LRP2: variants seen among roughly 807,000 people sequenced by gnomAD.
The protein encoded by LRP2 is LDL receptor related protein 2, also known as low-density lipoprotein receptor-related protein 2.
In LRP2, 172 loss-of-function variants were observed where a neutral mutation model predicts 531.0. That is an observed-to-expected ratio of 0.32 (90% CI 0.29 to 0.37). The LOEUF (loss-of-function observed/expected upper bound fraction) is 0.37, where lower values mean the gene tolerates loss of function less well. Among genes scored for constraint, LRP2 ranks in the 10% least tolerant of loss-of-function variants. The probability of loss-of-function intolerance (pLI) is 1.00; values close to 1 mark genes in which losing one functional copy is unlikely to be tolerated. For synonymous variants in LRP2, 1,992 were observed against 2,027.6 expected (o/e 0.98, Z 0.47); for missense variants, 5,167 against 5,868.3 (o/e 0.88, Z 3.90).
chr2:169,218,860 A>C (rs1182162147), intron 34 of LRP2, among the ~76,000 whole-genome samples: 1 of 152,184 alleles, frequency 6.6e-6, no homozygotes, highest in Non-Finnish European at 1.5e-5. Flanking sequence ...CAGAGCATCC[A>C]TCAGCCTGGG....
intron 1 of LRP2, among the ~76,000 whole-genome samples, 187 bp from the exon 2 acceptor site, chr2:169,321,071 A>G (rs960513981): frequency 2.0e-5 from 3 of 152,234 alleles, no homozygotes; most frequent in African/African-American, 7.2e-5. Flanking sequence ...CCGTGGGAAG[A>G]AAGTGATTTT....
At chr2:169,204,957 G>A (rs764121590) in intron 41 of LRP2, among the ~76,000 whole-genome samples, 8 of 151,914 alleles carry the variant, frequency 5.3e-5, no homozygotes, top group Non-Finnish European at 1.0e-4. Flanking sequence ...TAAGAAATGC[G>A]CTGAGGAGAA....
At chr2:169,243,667 G>A in intron 22 of LRP2, 145 bp from the exon 23 acceptor site, 1 of 925,000 alleles carries the variant, frequency 1.1e-6, no homozygotes, top group South Asian at 1.3e-5. Context: ...CACTATCAAA[G>A]TCAGCTAAGC....
At chr2:169,226,739 A>C in intron 31 of LRP2, 151 bp from the exon 32 acceptor site, 1 of 699,410 alleles carries the variant, frequency 1.4e-6, no homozygotes, top group South Asian at 1.7e-5. Context: ...TCAGACAAGC[A>C]TGGGCCTTTC....
intron 1 of LRP2, among the ~76,000 whole-genome samples, chr2:169,326,213 C>CTCCCCTT (rs1685053688): frequency 1.7e-5 from 2 of 120,656 alleles, no homozygotes; most frequent in Non-Finnish European, 3.5e-5. Context: ...CCTCTCCCCT[C>CTCCCCTT]TCCCTCTCGG....
At chr2:169,261,549 C>T (rs191173409) in intron 16 of LRP2, among the ~76,000 whole-genome samples, 18 of 150,664 alleles carry the variant, frequency 1.2e-4, no homozygotes, top group Admixed American at 9.9e-4. Context: ...CAATGTAATG[C>T]CTCCCTCAAC....
At chr2:169,267,264 GC>G in intron 16 of LRP2, among the ~76,000 whole-genome samples, 1 of 151,890 alleles carries the variant, frequency 6.6e-6, no homozygotes, top group Admixed American at 6.6e-5. Context: ...TAAAATCTCT[GC>G]TTACATAACT....
At chr2:169,303,265 C>T (rs998801541) in intron 4 of LRP2, among the ~76,000 whole-genome samples, 1 of 152,032 alleles carries the variant, frequency 6.6e-6, no homozygotes, top group African/African-American at 2.4e-5. Flanking sequence ...AACCTTTAAA[C>T]AAAAATAAGT....
chr2:169,317,074 G>A (rs976749337), intron 3 of LRP2, among the ~76,000 whole-genome samples: 2 of 152,098 alleles, frequency 1.3e-5, no homozygotes, highest in African/African-American at 2.4e-5. Context: ...ATCTAATGGA[G>A]AATTTTTATA....
intron 1 of LRP2, among the ~76,000 whole-genome samples, chr2:169,360,185 T>C (rs1686112335): frequency 6.6e-6 from 1 of 150,380 alleles, no homozygotes; most frequent in Non-Finnish European, 1.5e-5. Context: ...CACTGTATAC[T>C]GTAGCAATTA....
chr2:169,241,219 G>C lies in LRP2; in HGVS notation c.3814C>G (p.Pro1272Ala). ...EHNACVPKTC[P>A]SSYFHCDNGN... ...TTGTCACAGTGGAAATATGATGAAG[G>C]GCAAGTCTTGGGGACACAGGCATTG... Residue 1272 changes from proline (P) to alanine (A), a missense_variant, in exon 25 of 79, where the codon CCT becomes GCT. By Grantham distance (27) the Pro-to-Ala change is conservative. This residue lies in a region of LRP2 where 2,811 missense variants were observed against 3,058.0 expected (regional missense o/e 0.92). Coordinates refer to ENST00000649046, the MANE Select transcript of LRP2 (RefSeq NM_004525.3). The C allele has an allele frequency of 6.2e-7, 1 of 1,614,110 alleles. No individual in the cohort carries two copies. The highest frequency in any genetic ancestry group is 8.5e-7 in the Non-Finnish European group (1 of 1,180,020).
At chr2:169,300,818 A>G (rs1395680482) in intron 4 of LRP2, among the ~76,000 whole-genome samples, 1 of 152,084 alleles carries the variant, frequency 6.6e-6, no homozygotes, top group Non-Finnish European at 1.5e-5. Context: ...TAGCAAGGGC[A>G]AGGCTCGCTG....
chr2:169,299,934 G>A (rs1030655466), intron 4 of LRP2, among the ~76,000 whole-genome samples: 9 of 152,096 alleles, frequency 5.9e-5, no homozygotes, highest in African/African-American at 1.9e-4. Flanking sequence ...AATCATTGCT[G>A]GATGAATGTC....
rs1168123154 is a variant in LRP2 at position 169,202,929 on chromosome 2, T to C, written c.8036A>G (p.His2679Arg). The C allele has an allele frequency of 6.2e-6, 10 of 1,614,202 alleles. No homozygotes were observed. Among genetic ancestry groups the C allele is most frequent in the Non-Finnish European group, 7.6e-6 (9 of 1,180,026 alleles). Reference protein sequence around the residue: ...GPNGAECQCPHEGNWYLANNR... With the variant: ...GPNGAECQCPREGNWYLANNR... Reference sequence around the variant, plus strand: ...GTTGGCCAAATACCAGTTGCCCTCATGTGGACACTGGCACTCGGCACCATT... The same window carrying C: ...GTTGGCCAAATACCAGTTGCCCTCACGTGGACACTGGCACTCGGCACCATT... The change falls in exon 43 of 79, where the codon CAT (histidine) becomes CGT (arginine). Residue 2679 changes from histidine (H) to arginine (R), a missense_variant. By Grantham distance (29) the His-to-Arg change is conservative. Around this residue, in one of 6 missense-constraint regions of LRP2, gnomAD observed 1,129 missense variants for 1,362.7 expected, o/e 0.83. Transcript: ENST00000649046.
At chr2:169,332,718 C>CAT (rs1360302265) in intron 1 of LRP2, among the ~76,000 whole-genome samples, 4 of 152,120 alleles carry the variant, frequency 2.6e-5, no homozygotes, top group South Asian at 2.1e-4. Context: ...CAGGTATATA[C>CAT]ATATATATAT....
intron 71 of LRP2, 61 bp from the exon 72 acceptor site, chr2:169,140,606 A>T: frequency 7.6e-7 from 1 of 1,323,084 alleles, no homozygotes; most frequent in Non-Finnish European, 1.1e-6. Flanking sequence ...TGCCCACACC[A>T]TGCAAACCGG....
At chr2:169,193,622 G>A in intron 47 of LRP2, 139 bp downstream of exon 47, 3 of 1,066,034 alleles carry the variant, frequency 2.8e-6, no homozygotes, top group Admixed American at 3.6e-5. Context: ...TCCCAGCATG[G>A]AGAAACAAAG....
intron 1 of LRP2, among the ~76,000 whole-genome samples, chr2:169,337,352 A>G (rs1052165662): frequency 3.9e-5 from 6 of 152,132 alleles, no homozygotes; most frequent in Non-Finnish European, 5.9e-5. Context: ...CAGGGCTCCT[A>G]ACATCGTACC....
chr2:169,232,597 AG>A (rs1469586995), intron 30 of LRP2, among the ~76,000 whole-genome samples: 2 of 152,120 alleles, frequency 1.3e-5, no homozygotes, highest in Non-Finnish European at 2.9e-5. Flanking sequence ...AAGAATTATG[AG>A]GGGGTGGCTA....
Sources: allele counts gnomAD v4.1 joint callset (sites outside exome capture counted in the v4.1 genomes callset), GRCh38; gene constraint gnomAD v4.1.1; regional missense constraint gnomAD v4.1.1; transcripts MANE v1.5; gene names NCBI Gene and HGNC (gene_info 2026-07-23, HGNC 2026-07-21).